Variants in CYTH3 observed in about 807,000 individuals in gnomAD.
The protein encoded by CYTH3 is cytohesin-3.
A neutral mutation model predicts 55.1 loss-of-function variants in CYTH3; 23 were observed. The ratio of observed to expected loss-of-function variants is 0.42; its 90% CI spans 0.30 to 0.59. The LOEUF (loss-of-function observed/expected upper bound fraction) is 0.59. CYTH3 is among the 20% of genes least tolerant of loss of function. The pLI, the probability that CYTH3 is intolerant of heterozygous loss-of-function variation, is 0.20. For synonymous variants in CYTH3, 249 were observed against 194.9 expected (o/e 1.28, Z -2.31); for missense variants, 413 against 524.8 (o/e 0.79, Z 2.08).
chr7:6,217,361 T>C (rs1436208705), intron 1 of CYTH3, among the ~76,000 whole-genome samples: 3 of 152,146 alleles, frequency 2.0e-5, no homozygotes, highest in Non-Finnish European at 4.4e-5. Flanking sequence ...TTCGAATATA[T>C]TGGCTGAAGT....
chr7:6,266,500 A>G (rs890803947), intron 1 of CYTH3, among the ~76,000 whole-genome samples: 2 of 152,214 alleles, frequency 1.3e-5, no homozygotes, highest in Admixed American at 1.3e-4. Flanking sequence ...ATGTACTTAG[A>G]ATAAAATCTG....
intron 1 of CYTH3, among the ~76,000 whole-genome samples, chr7:6,209,805 A>T (rs1334561154): frequency 6.6e-6 from 1 of 152,264 alleles, no homozygotes; most frequent in African/African-American, 2.4e-5. Flanking sequence ...CAAGCCTTGA[A>T]AAGACATAAA....
chr7:6,204,873 A>G (rs1268271749), intron 1 of CYTH3, among the ~76,000 whole-genome samples: 1 of 152,228 alleles, frequency 6.6e-6, no homozygotes, highest in Non-Finnish European at 1.5e-5. Context: ...ATTGCAAAAC[A>G]GTGACTAGAG....
chr7:6,201,588 A>G (rs1349037888), intron 1 of CYTH3, among the ~76,000 whole-genome samples: 1 of 152,240 alleles, frequency 6.6e-6, no homozygotes, highest in African/African-American at 2.4e-5. Flanking sequence ...AGGTGTGAGC[A>G]TCAAGAGAAA....
intron 1 of CYTH3, among the ~76,000 whole-genome samples, chr7:6,197,517 T>C (rs927848333): frequency 1.3e-5 from 2 of 152,156 alleles, no homozygotes; most frequent in African/African-American, 4.8e-5. Context: ...ATCCCGTCTC[T>C]ACTAAAAATA....
chr7:6,177,804 G>A lies in CYTH3; in HGVS notation c.368+19C>T, dbSNP rs1783387650. ...GCTGAGTGGCCCCAGGTAGGGCTTT[G>A]CATCCTCCTCTAACTCACCTTTCAC... On this transcript the variant is annotated intron_variant, in intron 5 of 12. Transcript: ENST00000350796. 1 of 1,588,286 alleles carries A rather than the reference G, an allele frequency of 6.3e-7. No individual in the cohort carries two copies. The highest frequency in any genetic ancestry group is 8.6e-7 in the Non-Finnish European group (1 of 1,156,990).
At chr7:6,194,327 T>A (rs1045601296) in intron 1 of CYTH3, among the ~76,000 whole-genome samples, 3 of 152,116 alleles carry the variant, frequency 2.0e-5, no homozygotes, top group African/African-American at 7.2e-5. Flanking sequence ...ATGGCACGCA[T>A]CCGTAGTCCC....
At chr7:6,222,702 G>A (rs1263250822) in intron 1 of CYTH3, among the ~76,000 whole-genome samples, 13 of 149,848 alleles carry the variant, frequency 8.7e-5, no homozygotes, top group South Asian at 2.1e-4. Context: ...AGCTGAGATC[G>A]CGCCACTGCA....
chr7:6,170,748 C>T lies in CYTH3; in HGVS notation c.711+82G>A. The T allele has an allele frequency of 1.3e-6, 2 of 1,566,708 alleles. No homozygotes were observed. Among genetic ancestry groups the T allele is most frequent in the South Asian group, 1.2e-5 (1 of 85,664 alleles). On this transcript the variant is annotated intron_variant, in intron 8 of 12. Coordinates refer to ENST00000350796, the MANE Select transcript of CYTH3 (RefSeq NM_004227.4). The surrounding 1 kb of genome is among the most constrained non-coding windows in gnomAD (Gnocchi z 7.8). Reference sequence around the variant, plus strand: ...CAGGGCGGCAAGGAGGCTTGGGAGGCGTGTCTAGAGCCGCGGGCGCTGCGG... The same window carrying T: ...CAGGGCGGCAAGGAGGCTTGGGAGGTGTGTCTAGAGCCGCGGGCGCTGCGG...
chr7:6,164,703 G>C lies in CYTH3; in HGVS notation c.*241C>G. ...GACCCCAGCCACGGCAGGAGGCCTCGAGGATCAGTCTGGGCCACGGTACGC... is the reference window on the plus strand; with the variant it reads ...GACCCCAGCCACGGCAGGAGGCCTCCAGGATCAGTCTGGGCCACGGTACGC... On this transcript the variant is annotated 3_prime_UTR_variant, in exon 13 of 13. Transcript: ENST00000350796. 1.8e-6 allele frequency: 1 copy of C among 571,228 alleles called. No individual in the cohort carries two copies. The highest frequency in any genetic ancestry group is 3.1e-5 in the Admixed American group (1 of 32,004). 35.4% of individuals were successfully genotyped at this position (571,228 alleles called of 1,614,324 possible).
At chr7:6,263,302 G>C (rs1445267256) in intron 1 of CYTH3, among the ~76,000 whole-genome samples, 1 of 152,190 alleles carries the variant, frequency 6.6e-6, no homozygotes, top group African/African-American at 2.4e-5. Context: ...GTGCTGATTA[G>C]AATGCTGGGA....
At chr7:6,247,650 TTTTA>T (rs1315752502) in intron 1 of CYTH3, among the ~76,000 whole-genome samples, 1 of 152,126 alleles carries the variant, frequency 6.6e-6, no homozygotes, top group South Asian at 2.1e-4. Flanking sequence ...ACTTTATAAT[TTTTA>T]TTTATTTATT....
Position 6,165,755 on chromosome 7 carries a change from G to A in CYTH3, c.879C>T (p.Leu293=), listed in dbSNP as rs773192145. The A allele has an allele frequency of 6.2e-7, 1 of 1,614,190 alleles. No individual in the cohort carries two copies. Among genetic ancestry groups the A allele is most frequent in the Non-Finnish European group, 8.5e-7 (1 of 1,180,016 alleles). The change falls in exon 10 of 13, where the codon CTC becomes CTT. Residue 293 remains leucine, a synonymous_variant. Transcript: ENST00000350796. Reference sequence around the variant, plus strand: ...TTACTGTTGTGTATTCAAAGTAATAGAGGCAGTTATCGGTCAGGATGAACC... The same window carrying A: ...TTACTGTTGTGTATTCAAAGTAATAAAGGCAGTTATCGGTCAGGATGAACC... The part of the protein sequence containing the change: ...RRWFILTDNC[L]YYFEYTTDKE...
At chr7:6,183,782 T>C (rs1228148071) in intron 4 of CYTH3, among the ~76,000 whole-genome samples, 1 of 152,144 alleles carries the variant, frequency 6.6e-6, no homozygotes, top group Admixed American at 6.5e-5. Flanking sequence ...ACTGTGATGC[T>C]ATCTGGAGAC....
chr7:6,237,118 G>T (rs1327190800), intron 1 of CYTH3, among the ~76,000 whole-genome samples: 1 of 152,208 alleles, frequency 6.6e-6, no homozygotes, highest in Non-Finnish European at 1.5e-5. Context: ...CTTAGAACCA[G>T]AGCAGCTCCC....
chr7:6,218,061 T>C (rs1408447721), intron 1 of CYTH3, among the ~76,000 whole-genome samples: 2 of 151,820 alleles, frequency 1.3e-5, no homozygotes, highest in African/African-American at 4.8e-5. Context: ...TGTGCACCTG[T>C]AGTTCCAGCT....
chr7:6,253,216 ATTTTTT>A (rs35516602), intron 1 of CYTH3, among the ~76,000 whole-genome samples: 1 of 139,406 alleles, frequency 7.2e-6, no homozygotes, highest in African/African-American at 2.7e-5. Context: ...CACGAAAACA[ATTTTTT>A]TTTTTTTTTT....
intron 1 of CYTH3, among the ~76,000 whole-genome samples, chr7:6,270,609 A>G (rs1371619876): frequency 6.6e-6 from 1 of 152,200 alleles, no homozygotes; most frequent in African/African-American, 2.4e-5. Context: ...TGGTTGTAAA[A>G]TACTTCAATA....
At chr7:6,248,663 T>C (rs1244707112) in intron 1 of CYTH3, among the ~76,000 whole-genome samples, 1 of 152,190 alleles carries the variant, frequency 6.6e-6, no homozygotes, top group Non-Finnish European at 1.5e-5. Context: ...CGGCTGCCCG[T>C]GGCCACTCAG....
Sources: gnomAD v4.1 joint callset for allele counts (sites outside exome capture counted in the v4.1 genomes callset) on GRCh38, gnomAD v4.1.1 for gene constraint, Gnocchi (gnomAD v3.1) non-coding constraint, MANE v1.5 for transcripts, NCBI Gene and HGNC (gene_info 2026-07-23, HGNC 2026-07-21) for gene names.